NACC2: variants seen among roughly 807,000 people sequenced by gnomAD.
NACC2 encodes nucleus accumbens-associated protein 2.
A neutral mutation model predicts 25.1 loss-of-function variants in NACC2; 8 were observed. The ratio of observed to expected loss-of-function variants is 0.32; its 90% confidence interval spans 0.19 to 0.57. The LOEUF (loss-of-function observed/expected upper bound fraction) is 0.57, where lower values mean the gene tolerates loss of function less well. NACC2 is among the 20% of genes least tolerant of loss of function. NACC2 has a pLI of 0.89. For synonymous variants in NACC2, 435 were observed against 294.7 expected (o/e 1.48, Z -4.88); for missense variants, 644 against 650.2 (o/e 0.99, Z 0.10).
Position 136,031,247 on chromosome 9 carries a change from T to C in NACC2, c.887-14818A>G, listed in dbSNP as rs542503728. Among the ~76,000 whole-genome samples the C allele has an allele frequency of 1.1e-4, 16 of 152,312 alleles. No individual in the cohort carries two copies. In the South Asian group the frequency reaches 3.1e-3, roughly 30 times the overall value. On this transcript the variant is annotated intron_variant, in intron 2 of 5. Transcript: ENST00000277554. ...TTAATGAGGCCAGATAATCTTGATA[T>C]CAAAACATTGGGAAGGTAAAGAGAT...
chr9:136,018,783 G>T lies in NACC2; in HGVS notation c.887-2354C>A, dbSNP rs573335471. On this transcript the variant is annotated intron_variant, in intron 2 of 5. Transcript: ENST00000277554. This position sits in a 1 kb window ranked among gnomAD's most constrained non-coding sequence, Gnocchi z 4.4. Reference sequence around the variant, plus strand: ...GGAACACAGCAAAACAACCCGGGTGGTATTTTAAAACATAATTACACACCC... The same window carrying T: ...GGAACACAGCAAAACAACCCGGGTGTTATTTTAAAACATAATTACACACCC... 8.3e-4 allele frequency among the ~76,000 whole-genome samples: 126 copies of T among 152,256 alleles called. 1 individual carries two copies. Among genetic ancestry groups the T allele is most frequent in the East Asian group, 4.2e-3 (22 of 5,178 alleles).
In NACC2 at chr9:136,020,831, AGCCTTT is replaced by A. The variant is rs1840281056; in HGVS notation, c.887-4408_887-4403del. Among the ~76,000 whole-genome samples the A allele has an allele frequency of 6.6e-6, 1 of 152,188 alleles. No individual in the cohort carries two copies. Among genetic ancestry groups the A allele is most frequent in the Admixed American group, 6.5e-5 (1 of 15,270 alleles). ...GATTGGCTTTTGACAAAGGTGCACC[AGCCTTT>A]GTCAACGGAGGAGGCAGCAGCCTTC... On this transcript the variant is annotated intron_variant, in intron 2 of 5. Transcript: ENST00000277554. The surrounding 1 kb of genome is among the most constrained non-coding windows in gnomAD (Gnocchi z 4.7).
chr9:136,093,041 G>A (rs1429621584), intron 1 of NACC2, among the ~76,000 whole-genome samples: 1 of 152,186 alleles, frequency 6.6e-6, no homozygotes, highest in Non-Finnish European at 1.5e-5. Flanking sequence ...GGCACTCGGT[G>A]CCCTGTGCGT....
chr9:136,030,279 G>A (rs940147882), intron 2 of NACC2, among the ~76,000 whole-genome samples: 22 of 152,120 alleles, frequency 1.4e-4, no homozygotes, highest in Admixed American at 1.3e-4. Flanking sequence ...AGTCAGAGGA[G>A]GCTCATCCCT....
chr9:136,026,106 G>A (rs183090176), intron 2 of NACC2, among the ~76,000 whole-genome samples: 2 of 152,084 alleles, frequency 1.3e-5, no homozygotes, highest in East Asian at 1.9e-4. Context: ...TTGGGAGGAC[G>A]AGGTGGGCAG....
intron 1 of NACC2, among the ~76,000 whole-genome samples, chr9:136,076,400 G>A (rs891306328): frequency 1.3e-5 from 2 of 152,114 alleles, no homozygotes; most frequent in African/African-American, 2.4e-5. Flanking sequence ...CCCCCAGCCC[G>A]GTGAACCTCA....
At chr9:136,014,003 C>A in intron 3 of NACC2, 34 bp from the exon 4 acceptor site, 2 of 1,486,064 alleles carry the variant, frequency 1.3e-6, no homozygotes, top group East Asian at 2.7e-5. Flanking sequence ...GGCTCGTGGC[C>A]TTCCCGGGCC....
chr9:136,042,671 GACAC>G (rs1840652197), intron 2 of NACC2, among the ~76,000 whole-genome samples: 1 of 149,280 alleles, frequency 6.7e-6, no homozygotes, highest in African/African-American at 2.5e-5. Flanking sequence ...AACACACACA[GACAC>G]ACAGACATAC....
intron 1 of NACC2, among the ~76,000 whole-genome samples, chr9:136,078,645 C>G (rs897022405): frequency 6.6e-6 from 1 of 152,198 alleles, no homozygotes; most frequent in Non-Finnish European, 1.5e-5. Flanking sequence ...AGCCCAGCCC[C>G]GACATCGGGA....
At chr9:136,086,000 G>C (rs1211178434) in intron 1 of NACC2, among the ~76,000 whole-genome samples, 2 of 151,940 alleles carry the variant, frequency 1.3e-5, no homozygotes, top group African/African-American at 4.8e-5. Flanking sequence ...CAGAGACTGG[G>C]CACCGCGCAG....
intron 1 of NACC2, among the ~76,000 whole-genome samples, chr9:136,059,328 G>A (rs1403823805): frequency 6.6e-6 from 1 of 152,214 alleles, no homozygotes; most frequent in South Asian, 2.1e-4. Flanking sequence ...CCAGATGCAT[G>A]CACCAGCCCA....
chr9:136,007,085 CTTTTT>C lies in NACC2; in HGVS notation c.*4426_*4430del, dbSNP rs371539423. The C allele has an allele frequency of 1.3e-5, 2 of 154,308 alleles. No individual in the cohort carries two copies. The highest frequency in any genetic ancestry group is 4.8e-5 in the African/African-American group (2 of 41,590). 9.6% of individuals were successfully genotyped at this position (154,308 alleles called of 1,614,324 possible). A position where few individuals can be genotyped will look rare whatever the true frequency, so the allele number is the denominator to read the frequency against. On this transcript the variant is annotated 3_prime_UTR_variant, in exon 6 of 6. Transcript: ENST00000277554. ...ATATTTATACATTTTATACTTAGTT[CTTTTT>C]TTTGTCTGCTAAAAATAGTATTGCA...
At chr9:136,038,252 C>G (rs1192205483) in intron 2 of NACC2, among the ~76,000 whole-genome samples, 1 of 151,898 alleles carries the variant, frequency 6.6e-6, no homozygotes, top group African/African-American at 2.4e-5. Flanking sequence ...TTTTAAACAC[C>G]AGGCTGGGCG....
rs1830357120 is a variant in NACC2 at position 136,084,516 on chromosome 9, A to G, written c.-60+10673T>C. 6.6e-6 allele frequency among the ~76,000 whole-genome samples: 1 copy of G among 152,186 alleles called. No homozygotes were observed. Among genetic ancestry groups the G allele is most frequent in the Non-Finnish European group, 1.5e-5 (1 of 68,034 alleles). ...ACAAACCTACCTCGAGGGTCCATCT[A>G]TCAAATCTGTCAAACTGGCCCAGAC... On this transcript the variant is annotated intron_variant, in intron 1 of 5. Coordinates refer to ENST00000277554, the MANE Select transcript of NACC2 (RefSeq NM_144653.5). The surrounding 1 kb of genome is among the most constrained non-coding windows in gnomAD (Gnocchi z 5.1).
intron 1 of NACC2, among the ~76,000 whole-genome samples, chr9:136,062,162 C>T (rs149126392): frequency 0.017 from 2,353 of 138,930 alleles, 67 homozygotes; most frequent in African/African-American, 0.056. Context: ...CAGGACAGGA[C>T]AGGACAGGAC....
In NACC2 at chr9:136,055,792, T is replaced by C. The variant is rs1361087579; in HGVS notation, c.-59-5212A>G. ...GGGAAACGTTCTGCGGAGGGGAGAGTCCCTCTACCCCGAGCCCCGGCCCCT... is the reference window on the plus strand; with the variant it reads ...GGGAAACGTTCTGCGGAGGGGAGAGCCCCTCTACCCCGAGCCCCGGCCCCT... On this transcript the variant is annotated intron_variant, in intron 1 of 5. Coordinates refer to ENST00000277554, the MANE Select transcript of NACC2 (RefSeq NM_144653.5). This position sits in a 1 kb window ranked among gnomAD's most constrained non-coding sequence, Gnocchi z 4.9. Among the ~76,000 whole-genome samples the C allele has an allele frequency of 3.4e-5, 5 of 148,064 alleles. No individual in the cohort carries two copies. Among genetic ancestry groups the C allele is most frequent in the African/African-American group, 1.3e-4 (5 of 39,838 alleles).
chr9:136,013,011 A>G lies in NACC2; in HGVS notation c.1255+188T>C, dbSNP rs1840135553. ...TTGGAAACCTACCAAGAACGTTAAC[A>G]CCTCGAGACCTGGCTTCTGAGAGCT... On this transcript the variant is annotated intron_variant, in intron 5 of 5. Coordinates refer to ENST00000277554, the MANE Select transcript of NACC2 (RefSeq NM_144653.5). This position sits in a 1 kb window ranked among gnomAD's most constrained non-coding sequence, Gnocchi z 6.6. 1.3e-5 allele frequency among the ~76,000 whole-genome samples: 2 copies of G among 152,208 alleles called. No individual in the cohort carries two copies. Among genetic ancestry groups the G allele is most frequent in the Non-Finnish European group, 2.9e-5 (2 of 68,032 alleles).
rs374613499 is a variant in NACC2, at chr9:136,024,818, C to T, written c.887-8389G>A. On this transcript the variant is annotated intron_variant, in intron 2 of 5. Transcript: ENST00000277554. ...GACCAACTACAACCCTGAGGGGCTG[C>T]GATCCTGAGAACTGGGACCTGCCAG... 9.8e-5 allele frequency among the ~76,000 whole-genome samples: 15 copies of T among 152,290 alleles called. No homozygotes were observed. The East Asian group carries it at 1.3e-3, about 14-fold the overall frequency.
intron 2 of NACC2, among the ~76,000 whole-genome samples, chr9:136,034,403 TCAGGAAGAACCCCAGA>T (rs1470796586): frequency 2.8e-4 from 43 of 151,894 alleles, no homozygotes; most frequent in Admixed American, 2.5e-3. Flanking sequence ...GGGAGGAAGG[TCAGGAAGAACCCCAGA>T]GTGTTGATTG....
Sources: gnomAD v4.1 joint callset for allele counts (sites outside exome capture counted in the v4.1 genomes callset) on GRCh38, gnomAD v4.1.1 for gene constraint, Gnocchi (gnomAD v3.1) non-coding constraint, MANE v1.5 for transcripts, NCBI Gene and HGNC (gene_info 2026-07-23, HGNC 2026-07-21) for gene names.